Variants in ZNF705G observed in about 807,000 individuals in gnomAD.
ZNF705G encodes zinc finger protein 705G.
Under a neutral mutation model 19.6 loss-of-function variants are expected in ZNF705G, and 23 were observed. The observed-to-expected ratio is 1.17, with a 90% CI of 0.84 to 1.66. The LOEUF (loss-of-function observed/expected upper bound fraction) is 1.66, where lower values mean the gene tolerates loss of function less well. Among genes scored for constraint, ZNF705G ranks in the 40% most tolerant of loss-of-function variants. The pLI, the probability that ZNF705G is intolerant of heterozygous loss-of-function variation, is 0.00. For missense variants in ZNF705G, 457 were observed against 354.4 expected, an observed-to-expected ratio of 1.29 and a Z score of -2.32; for synonymous variants, 146 against 117.7, an observed-to-expected ratio of 1.24 and a Z score of -1.56.
chr8:7,384,579 A>G (rs149376164), intron 1 of ZNF705G, among the ~76,000 whole-genome samples: 2 of 145,856 alleles, frequency 1.4e-5, no homozygotes, highest in African/African-American at 5.6e-5. Flanking sequence ...TCCTCCATAA[A>G]GCCTGGAATG....
In ZNF705G at chr8:7,368,169, A is replaced by G. The variant is rs1045937042; in HGVS notation, c.-71-5152T>C. Among the ~76,000 whole-genome samples the G allele has an allele frequency of 2.0e-5, 3 of 149,580 alleles. 1 individual carries two copies. The highest frequency in any genetic ancestry group is 7.7e-5 in the African/African-American group (3 of 38,986). On this transcript the variant is annotated intron_variant, in intron 2 of 6. Transcript: ENST00000400156. ...CCCTGATTGCACAGACACTGAATCT[A>G]ATCAAAAACTTCATTCTGGAGACAC... is the stretch of plus-strand genomic sequence containing the variant.
rs1169280926 is a variant in ZNF705G at position 7,370,976 on chromosome 8, C to T, written c.-71-7959G>A. Among the ~76,000 whole-genome samples the T allele has an allele frequency of 1.6e-4, 21 of 128,552 alleles. No individual in the cohort carries two copies. The East Asian group carries it at 4.7e-3, about 29-fold the overall frequency. 84.3% of individuals were successfully genotyped at this position (128,552 alleles called of 152,430 possible). A position where few individuals can be genotyped will look rare whatever the true frequency, so the allele number is the denominator to read the frequency against. On this transcript the variant is annotated intron_variant, in intron 2 of 6. Transcript: ENST00000400156. Reference sequence around the variant, plus strand: ...ACTAACCCACGAACAGAAAACCAAGCACTGCACGTTCTAACTTACAAGTGG... The same window carrying T: ...ACTAACCCACGAACAGAAAACCAAGTACTGCACGTTCTAACTTACAAGTGG...
intron 2 of ZNF705G, among the ~76,000 whole-genome samples, 155 bp from the exon 3 acceptor site, chr8:7,363,172 C>T (rs538105858): frequency 1.5e-4 from 22 of 149,492 alleles, no homozygotes; most frequent in Admixed American, 5.9e-4. Flanking sequence ...CCTCTTTTCC[C>T]GTGGTCAAAA....
chr8:7,362,656 G>C (rs1051434068), intron 3 of ZNF705G, among the ~76,000 whole-genome samples: 8 of 149,356 alleles, frequency 5.4e-5, no homozygotes, highest in African/African-American at 1.8e-4. Flanking sequence ...CTTAATAGGG[G>C]CTGGAATAAA....
chr8:7,383,621 C>A, intron 1 of ZNF705G, among the ~76,000 whole-genome samples: 1 of 147,420 alleles, frequency 6.8e-6, no homozygotes, highest in South Asian at 2.1e-4. Flanking sequence ...GAAATGCCAA[C>A]CCCCAAAGTG....
chr8:7,378,901 A>G (rs1807360786), intron 2 of ZNF705G, among the ~76,000 whole-genome samples: 1 of 147,346 alleles, frequency 6.8e-6, no homozygotes, highest in Non-Finnish European at 1.5e-5. Flanking sequence ...CACAGGACCC[A>G]GGAGTTAGGA....
chr8:7,380,715 C>T (rs1807451476), intron 2 of ZNF705G, among the ~76,000 whole-genome samples: 1 of 146,482 alleles, frequency 6.8e-6, no homozygotes, highest in Non-Finnish European at 1.5e-5. Context: ...CTACCGAGCT[C>T]ACCACTGTCA....
In ZNF705G at chr8:7,380,676, G is replaced by A. The variant is rs1273483082; in HGVS notation, c.-72+776C>T. On this transcript the variant is annotated intron_variant, in intron 2 of 6. Coordinates refer to ENST00000400156, the MANE Select transcript of ZNF705G (RefSeq NM_001164457.3). ...TACTGCAATTGCTGATGCTACACAT[G>A]CCTCCCAGGGTCTTGAGGGCATGCC... Among the ~76,000 whole-genome samples, 4 of 146,038 alleles carry A rather than the reference G, an allele frequency of 2.7e-5. 1 individual carries two copies. The highest frequency in any genetic ancestry group is 1.1e-4 in the African/African-American group (4 of 35,836).
At position 7,375,078 on chromosome 8, in the gene ZNF705G, TG is replaced by T. The variant is rs1418881884; in HGVS notation, c.-72+6373del. On this transcript the variant is annotated intron_variant, in intron 2 of 6. Transcript: ENST00000400156. ...GATTCAGGGAGTGCATGTGCAGATT[TG>T]TTACATGGGTATATTGTGTGATATT... 2.1e-5 allele frequency among the ~76,000 whole-genome samples: 2 copies of T among 94,704 alleles called. 1 individual carries two copies. Among genetic ancestry groups the T allele is most frequent in the African/African-American group, 9.7e-5 (2 of 20,522 alleles). 62.1% of individuals were successfully genotyped at this position (94,704 alleles called of 152,430 possible).
At chr8:7,359,400 G>A (rs1195575805) in intron 6 of ZNF705G, among the ~76,000 whole-genome samples, 3 of 149,702 alleles carry the variant, frequency 2.0e-5, no homozygotes, top group Admixed American at 1.3e-4. Flanking sequence ...CTGGGCATGA[G>A]CAATGTATAT....
At chr8:7,385,107 G>C (rs1585435047) in intron 1 of ZNF705G, among the ~76,000 whole-genome samples, 2 of 147,910 alleles carry the variant, frequency 1.4e-5, no homozygotes, top group East Asian at 3.9e-4. Context: ...GAGGTTCAGA[G>C]AATGAACAGG....
chr8:7,363,450 A>T (rs1806698444), intron 2 of ZNF705G, among the ~76,000 whole-genome samples: 1 of 148,918 alleles, frequency 6.7e-6, no homozygotes, highest in Admixed American at 6.6e-5. Context: ...CAGCCTTCTG[A>T]AGCCTTACTC....
intron 4 of ZNF705G, among the ~76,000 whole-genome samples, 186 bp from the exon 5 acceptor site, chr8:7,360,518 A>C (rs1227746031): frequency 6.7e-6 from 1 of 149,294 alleles, no homozygotes; most frequent in African/African-American, 2.6e-5. Context: ...ATAAATCCAA[A>C]CCAAAGGTCC....
At chr8:7,362,890 G>C (rs758849484) in intron 3 of ZNF705G, 45 bp downstream of exon 3, 2 of 1,573,078 alleles carry the variant, frequency 1.3e-6, no homozygotes, top group Non-Finnish European at 1.7e-6. Context: ...CCATTTGCCA[G>C]CAATATGGGT....
chr8:7,380,306 C>A lies in ZNF705G; in HGVS notation c.-72+1146G>T, dbSNP rs1290944606. ...CACCCATTGCTGTCACTACCACTACCCAAGGTCGTTGTCCAGGAGGCTGGG... is the reference window on the plus strand; with the variant it reads ...CACCCATTGCTGTCACTACCACTACACAAGGTCGTTGTCCAGGAGGCTGGG... On this transcript the variant is annotated intron_variant, in intron 2 of 6. Transcript: ENST00000400156. Among the ~76,000 whole-genome samples the A allele has an allele frequency of 2.0e-5, 3 of 146,892 alleles. 1 individual carries two copies. Among genetic ancestry groups the A allele is most frequent in the African/African-American group, 8.2e-5 (3 of 36,424 alleles).
At chr8:7,367,933 G>A (rs1441441702) in intron 2 of ZNF705G, among the ~76,000 whole-genome samples, 1 of 149,562 alleles carries the variant, frequency 6.7e-6, no homozygotes, top group Non-Finnish European at 1.5e-5. Context: ...TCAGTGCTTG[G>A]AGAACTCACC....
chr8:7,379,432 G>T (rs1219487662), intron 2 of ZNF705G, among the ~76,000 whole-genome samples: 1 of 147,260 alleles, frequency 6.8e-6, no homozygotes, highest in East Asian at 1.9e-4. Context: ...TCCTCTCATT[G>T]CTAGGAGGCG....
chr8:7,359,491 T>G, intron 6 of ZNF705G, 128 bp downstream of exon 6: 2 of 1,479,368 alleles, frequency 1.4e-6, no homozygotes, highest in Non-Finnish European at 1.8e-6. Context: ...GTATCCAATT[T>G]TTTTTTTTTG....
Position 7,368,167 on chromosome 8 carries a change from C to G in ZNF705G, c.-71-5150G>C, listed in dbSNP as rs9720878. ...TGCCCTGATTGCACAGACACTGAAT[C>G]TAATCAAAAACTTCATTCTGGAGAC... On this transcript the variant is annotated intron_variant, in intron 2 of 6. Coordinates refer to ENST00000400156, the MANE Select transcript of ZNF705G (RefSeq NM_001164457.3). Among the ~76,000 whole-genome samples, 587 of 149,586 alleles carry G rather than the reference C, an allele frequency of 3.9e-3. 65 individuals carry two copies. Among genetic ancestry groups the G allele is most frequent in the African/African-American group, 0.014 (551 of 39,004 alleles).
Sources: allele counts gnomAD v4.1 joint callset (sites outside exome capture counted in the v4.1 genomes callset), GRCh38; gene constraint gnomAD v4.1.1; transcripts MANE v1.5; gene names NCBI Gene and HGNC (gene_info 2026-07-23, HGNC 2026-07-21).